The following JUN variants were observed in gnomAD, a reference collection of about 807,000 sequenced individuals.
JUN encodes transcription factor Jun.
JUN carries 7 observed loss-of-function variants against 19.7 expected under a neutral mutation model. That is an observed-to-expected ratio of 0.36 (90% CI 0.20 to 0.67). The LOEUF is 0.67. Ranked by LOEUF, JUN falls within the 30% of genes least tolerant of loss-of-function variation. The pLI is 0.64. For missense variants in JUN, 373 were observed against 451.0 expected (o/e 0.83, Z 1.57); for synonymous variants, 246 against 206.9 (o/e 1.19, Z -1.62).
rs1645569411 is a variant in JUN, at chr1:58,780,875, AAAGAG to A, written c.*1195_*1199del. 1 of 233,100 alleles carries A rather than the reference AAAGAG, an allele frequency of 4.3e-6. No homozygotes were observed. The highest frequency in any genetic ancestry group is 8.5e-6 in the Non-Finnish European group (1 of 118,006). 14.4% of individuals were successfully genotyped at this position (233,100 alleles called of 1,614,324 possible). On this transcript the variant is annotated 3_prime_UTR_variant, in exon 1 of 1. Coordinates refer to ENST00000371222, the MANE Select transcript of JUN (RefSeq NM_002228.4). Reference sequence around the variant, plus strand: ...GCCATCTTTTTATCTAGGAATTGTCAAAGAGAAGATTCCAAATTGGAAGGATACAT... The same window carrying A: ...GCCATCTTTTTATCTAGGAATTGTCAAAGATTCCAAATTGGAAGGATACAT...
At position 58,782,660 on chromosome 1, in the gene JUN, G is replaced by C. The variant is rs1246931833; in HGVS notation, c.411C>G (p.Val137=). The change falls in exon 1 of 1, where the codon GTC becomes GTG. Residue 137 remains valine, a synonymous_variant. Transcript: ENST00000371222. This position sits in a 1 kb window ranked among gnomAD's most constrained non-coding sequence, Gnocchi z 8.7. ...LPSVTSAAQP[V]NGAGMVAPAV... ...CGGGAGCCACCATGCCTGCCCCGTT[G>C]ACCGGCTGCGCCGCCGACGTGACGC... 6.3e-7 allele frequency: 1 copy of C among 1,590,094 alleles called. No homozygotes were observed. Among genetic ancestry groups the C allele is most frequent in the Non-Finnish European group, 8.5e-7 (1 of 1,172,760 alleles).
In JUN at chr1:58,781,825, C is replaced by T. The variant is rs1645576081; in HGVS notation, c.*250G>A. The T allele has an allele frequency of 1.8e-6, 1 of 540,614 alleles. No homozygotes were observed. The highest frequency in any genetic ancestry group is 2.3e-5 in the South Asian group (1 of 42,824). The allele number at this position is 540,614 out of a possible 1,614,324, so 33.5% of individuals were successfully genotyped here. ...AACGTTCCGTTCGCGCGGGGACAGC[C>T]CGTCCGCAAAGCGGGGCAGCCCGCA... is the stretch of plus-strand genomic sequence containing the variant. On this transcript the variant is annotated 3_prime_UTR_variant, in exon 1 of 1. Transcript: ENST00000371222.
chr1:58,782,159 C>T lies in JUN; in HGVS notation c.912G>A (p.Gln304=), dbSNP rs1265817652. The T allele has an allele frequency of 6.2e-7, 1 of 1,614,272 alleles. No homozygotes were observed. The highest frequency in any genetic ancestry group is 8.5e-7 in the Non-Finnish European group (1 of 1,180,052). The change falls in exon 1 of 1, where the codon CAG becomes CAA. Residue 304 remains glutamine, a synonymous_variant. Coordinates refer to ENST00000371222, the MANE Select transcript of JUN (RefSeq NM_002228.4). This position sits in a 1 kb window ranked among gnomAD's most constrained non-coding sequence, Gnocchi z 8.7. ...TGACTTTCTGTTTAAGCTGTGCCAC[C>T]TGTTCCCTGAGCATGTTGGCCGTGG... ...LASTANMLRE[Q]VAQLKQKVMN... is the part of the protein sequence containing the mutation.
rs1645584884 is a variant in JUN at position 58,782,569 on chromosome 1, G to C, written c.502C>G (p.Pro168Ala). The change falls in exon 1 of 1, where the codon CCG becomes GCG. Residue 168 changes from proline to alanine, a missense_variant. Physicochemically the swap from Pro to Ala is conservative, Grantham distance 27. Transcript: ENST00000371222. This position sits in a 1 kb window ranked among gnomAD's most constrained non-coding sequence, Gnocchi z 8.7. ...AAGTTGCTGAGGTTTGCGTAGACCG[G>C]CGGCTCGCTGTGCAGGCTGGCGCTG... Reference protein sequence around the residue: ...GFSASLHSEPPVYANLSNFNP... With the variant: ...GFSASLHSEPAVYANLSNFNP... 6.3e-7 allele frequency: 1 copy of C among 1,578,882 alleles called. No homozygotes were observed. Among genetic ancestry groups the C allele is most frequent in the South Asian group, 1.1e-5 (1 of 89,434 alleles).
At position 58,782,463 on chromosome 1, in the gene JUN, T is replaced by C. The variant is rs1373687602; in HGVS notation, c.608A>G (p.Gln203Arg). 5 of 1,592,252 alleles carry C rather than the reference T, an allele frequency of 3.1e-6. No homozygotes were observed. Among genetic ancestry groups the C allele is most frequent in the Non-Finnish European group, 4.3e-6 (5 of 1,173,516 alleles). ...AGLAFPAQPQQQQQPPHHLPQ... is the reference protein window; with the variant it reads ...AGLAFPAQPQRQQQPPHHLPQ... ...CAGGTGGTGCGGCGGCTGCTGCTGC[T>C]GCTGGGGTTGCGCGGGAAAGGCCAG... The change falls in exon 1 of 1, where the codon CAG becomes CGG. Residue 203 changes from glutamine (Q) to arginine (R), a missense_variant. Transcript: ENST00000371222. This position sits in a 1 kb window ranked among gnomAD's most constrained non-coding sequence, Gnocchi z 8.7.
At position 58,782,335 on chromosome 1, in the gene JUN, C is replaced by G. The variant is rs1355452123; in HGVS notation, c.736G>C (p.Asp246His). The G allele has an allele frequency of 6.2e-7, 1 of 1,614,252 alleles. No homozygotes were observed. The highest frequency in any genetic ancestry group is 8.5e-7 in the Non-Finnish European group (1 of 1,180,036). Residue 246 changes from aspartate to histidine, a missense_variant, in exon 1 of 1, where the codon GAC becomes CAC. Asp to His is a moderately conservative substitution (Grantham distance 81, BLOSUM62 -1). Around this residue, in one of 4 missense-constraint regions of JUN, gnomAD observed 83 missense variants for 143.0 expected, o/e 0.58. Coordinates refer to ENST00000371222, the MANE Select transcript of JUN (RefSeq NM_002228.4). The surrounding 1 kb of genome is among the most constrained non-coding windows in gnomAD (Gnocchi z 8.7). ...TTGATCCGCTCCTGGGACTCCATGT[C>G]GATGGGGGACAGGGGCGGTGTCTCG... ...PGETPPLSPI[D>H]MESQERIKAE...
In JUN at chr1:58,780,971, CATTATAA is replaced by C. The variant is rs1645570372; in HGVS notation, c.*1097_*1103del. The C allele has an allele frequency of 8.6e-6, 2 of 232,966 alleles. No individual in the cohort carries two copies. Among genetic ancestry groups the C allele is most frequent in the African/African-American group, 4.4e-5 (2 of 45,328 alleles). 14.4% of individuals were successfully genotyped at this position (232,966 alleles called of 1,614,324 possible). A position where few individuals can be genotyped will look rare whatever the true frequency, so the allele number is the denominator to read the frequency against. On this transcript the variant is annotated 3_prime_UTR_variant, in exon 1 of 1. Transcript: ENST00000371222. ...GCACCTATTGTAAAATTTCTACTAA[CATTATAA>C]ATGGTCACAGCACATGCCACTTGAT...
chr1:58,782,815 C>G lies in JUN; in HGVS notation c.256G>C (p.Gly86Arg). 1.9e-6 allele frequency: 3 copies of G among 1,613,846 alleles called. No individual in the cohort carries two copies. Among genetic ancestry groups the G allele is most frequent in the Non-Finnish European group, 1.7e-6 (2 of 1,179,958 alleles). The stretch of plus-strand genomic sequence containing the variant: ...GGGGTCGGCGTGGTGGTGATGTGCC[C>G]GTTGCTGGACTGGATTATCAGGCGC... Reference protein sequence around the residue: ...LERLIIQSSNGHITTTPTPTQ... With the variant: ...LERLIIQSSNRHITTTPTPTQ... The change falls in exon 1 of 1, where the codon GGG becomes CGG. Residue 86 changes from glycine (G) to arginine (R), a missense_variant. Transcript: ENST00000371222. The surrounding 1 kb of genome is among the most constrained non-coding windows in gnomAD (Gnocchi z 8.7).
chr1:58,783,191 T>G lies in JUN; in HGVS notation c.-121A>C. ...CCCCGGAGCCTTTGACAGGGAAAGT[T>G]TCTCTAAGAGCGCACGCACCCGCTG... On this transcript the variant is annotated 5_prime_UTR_variant, in exon 1 of 1. Coordinates refer to ENST00000371222, the MANE Select transcript of JUN (RefSeq NM_002228.4). The G allele has an allele frequency of 6.8e-7, 1 of 1,470,212 alleles. No individual in the cohort carries two copies. The highest frequency in any genetic ancestry group is 9.1e-7 in the Non-Finnish European group (1 of 1,095,618). 91.1% of individuals were successfully genotyped at this position (1,470,212 alleles called of 1,614,324 possible). A position where few individuals can be genotyped will look rare whatever the true frequency, so the allele number is the denominator to read the frequency against.
In JUN at chr1:58,783,134, C is replaced by T. The variant is rs4647012; in HGVS notation, c.-64G>A. ...GCGCGCACAAGTTTCGGGGCCGCAA[C>T]AGGGCTGTGGCAAGCGGGGGACACC... is the stretch of plus-strand genomic sequence containing the variant. On this transcript the variant is annotated 5_prime_UTR_variant, in exon 1 of 1. Coordinates refer to ENST00000371222, the MANE Select transcript of JUN (RefSeq NM_002228.4). 770 of 1,553,796 alleles carry T rather than the reference C, an allele frequency of 5.0e-4. 4 individuals carry two copies. In the East Asian group the frequency reaches 0.015, roughly 31 times the overall value.
In JUN at chr1:58,781,651, T is replaced by TC; in HGVS notation, c.*423dup. 1 of 28,590 alleles carries TC rather than the reference T, an allele frequency of 3.5e-5. No homozygotes were observed. 1.8% of individuals were successfully genotyped at this position (28,590 alleles called of 1,614,324 possible). ...CCCTCCTGCCGCCCCTCCCCAACCC[T>TC]CCCCCCGCTTTGTGTTCTTAAGGAG... On this transcript the variant is annotated 3_prime_UTR_variant, in exon 1 of 1. Transcript: ENST00000371222.
chr1:58,782,104 T>A lies in JUN; in HGVS notation c.967A>T (p.Met323Leu), dbSNP rs964719479. Reference protein sequence around the residue: ...MNHVNSGCQLMLTQQLQTF With the variant: ...MNHVNSGCQLLLTQQLQTF ...AATGTTTGCAACTGCTGCGTTAGCA[T>A]GAGTTGGCACCCACTGTTAACGTGG... The change falls in exon 1 of 1, where the codon ATG becomes TTG. Residue 323 changes from methionine (M) to leucine (L), a missense_variant. Around this residue, in one of 4 missense-constraint regions of JUN, gnomAD observed 83 missense variants for 143.0 expected, o/e 0.58. Transcript: ENST00000371222. This position sits in a 1 kb window ranked among gnomAD's most constrained non-coding sequence, Gnocchi z 8.7. 2.5e-6 allele frequency: 4 copies of A among 1,613,452 alleles called. No homozygotes were observed. The South Asian group carries it at 3.3e-5, about 13-fold the overall frequency.
In JUN at chr1:58,782,849, G is replaced by A. The variant is rs772783846; in HGVS notation, c.222C>T (p.Pro74=). The part of the protein sequence containing the change: ...PDVGLLKLAS[P]ELERLIIQSS... ...ACTGGATTATCAGGCGCTCCAGCTCGGGCGACGCCAGCTTGAGCAGCCCCA... is the reference window on the plus strand; with the variant it reads ...ACTGGATTATCAGGCGCTCCAGCTCAGGCGACGCCAGCTTGAGCAGCCCCA... The change falls in exon 1 of 1, where the codon CCC becomes CCT. Residue 74 remains proline (P), a synonymous_variant. Coordinates refer to ENST00000371222, the MANE Select transcript of JUN (RefSeq NM_002228.4). This position sits in a 1 kb window ranked among gnomAD's most constrained non-coding sequence, Gnocchi z 8.7. 1.9e-6 allele frequency: 3 copies of A among 1,613,948 alleles called. No individual in the cohort carries two copies. The highest frequency in any genetic ancestry group is 2.5e-6 in the Non-Finnish European group (3 of 1,180,018).
At position 58,782,806 on chromosome 1, in the gene JUN, T is replaced by A. The variant is rs1569897826; in HGVS notation, c.265A>T (p.Thr89Ser). 6.2e-7 allele frequency: 1 copy of A among 1,613,660 alleles called. No homozygotes were observed. Among genetic ancestry groups the A allele is most frequent in the South Asian group, 1.1e-5 (1 of 91,066 alleles). Residue 89 changes from threonine to serine, a missense_variant, in exon 1 of 1, where the codon ACC becomes TCC. Physicochemically the swap from Thr to Ser is moderately conservative, Grantham distance 58 (BLOSUM62 1). Around this residue, in one of 4 missense-constraint regions of JUN, gnomAD observed 113 missense variants for 136.9 expected, o/e 0.83. Transcript: ENST00000371222. This position sits in a 1 kb window ranked among gnomAD's most constrained non-coding sequence, Gnocchi z 8.7. Reference sequence around the variant, plus strand: ...AACTGGGTGGGGGTCGGCGTGGTGGTGATGTGCCCGTTGCTGGACTGGATT... The same window carrying A: ...AACTGGGTGGGGGTCGGCGTGGTGGAGATGTGCCCGTTGCTGGACTGGATT... ...LIIQSSNGHI[T>S]TTPTPTQFLC...
At position 58,782,186 on chromosome 1, in the gene JUN, C is replaced by G; in HGVS notation, c.885G>C (p.Ala295=). Residue 295 remains alanine (A), a synonymous_variant, in exon 1 of 1, where the codon GCG becomes GCC. Transcript: ENST00000371222. This position sits in a 1 kb window ranked among gnomAD's most constrained non-coding sequence, Gnocchi z 8.7. ...GTTCCCTGAGCATGTTGGCCGTGGA[C>G]GCCAGCTCCGAGTTCTGAGCTTTCA... ...KTLKAQNSEL[A]STANMLREQV... The G allele has an allele frequency of 6.2e-7, 1 of 1,614,226 alleles. No individual in the cohort carries two copies. The highest frequency in any genetic ancestry group is 8.5e-7 in the Non-Finnish European group (1 of 1,180,028).
chr1:58,783,275 A>C lies in JUN; in HGVS notation c.-205T>G, dbSNP rs2100740620. ...CGCTCCAGGGAGCGCAGGGTTAATT[A>C]AGATGCCTCCCGCACTCTTACTTGT... On this transcript the variant is annotated 5_prime_UTR_variant, in exon 1 of 1. Transcript: ENST00000371222. 1 of 669,562 alleles carries C rather than the reference A, an allele frequency of 1.5e-6. No homozygotes were observed. Among genetic ancestry groups the C allele is most frequent in the Non-Finnish European group, 2.5e-6 (1 of 405,070 alleles). 41.5% of individuals were successfully genotyped at this position (669,562 alleles called of 1,614,324 possible). A position where few individuals can be genotyped will look rare whatever the true frequency, so the allele number is the denominator to read the frequency against.
rs1645591141 is a variant in JUN, at chr1:58,783,167, C to G, written c.-97G>C. On this transcript the variant is annotated 5_prime_UTR_variant, in exon 1 of 1. Transcript: ENST00000371222. ...TGGCAAGCGGGGGACACCCGCGCCC[C>G]CCGGAGCCTTTGACAGGGAAAGTTT... is the stretch of plus-strand genomic sequence containing the variant. The G allele has an allele frequency of 1.5e-5, 23 of 1,514,904 alleles. No individual in the cohort carries two copies. In the South Asian group the frequency reaches 2.6e-4, roughly 17 times the overall value. 93.8% of individuals were successfully genotyped at this position (1,514,904 alleles called of 1,614,324 possible).
chr1:58,781,096 C>T lies in JUN; in HGVS notation c.*979G>A. Reference sequence around the variant, plus strand: ...CCAGCCTCCTGAAACATCGCACTATCCTTTGGTAAGCAATTCCATATAGAT... The same window carrying T: ...CCAGCCTCCTGAAACATCGCACTATTCTTTGGTAAGCAATTCCATATAGAT... On this transcript the variant is annotated 3_prime_UTR_variant, in exon 1 of 1. Coordinates refer to ENST00000371222, the MANE Select transcript of JUN (RefSeq NM_002228.4). The T allele has an allele frequency of 4.3e-6, 1 of 233,142 alleles. No homozygotes were observed. Among genetic ancestry groups the T allele is most frequent in the Non-Finnish European group, 8.5e-6 (1 of 117,950 alleles). 14.4% of individuals were successfully genotyped at this position (233,142 alleles called of 1,614,324 possible).
rs1394283151 is a variant in JUN at position 58,783,173 on chromosome 1, G to A, written c.-103C>T. 6.6e-7 allele frequency: 1 copy of A among 1,506,536 alleles called. No individual in the cohort carries two copies. The highest frequency in any genetic ancestry group is 1.4e-5 in the African/African-American group (1 of 71,538). The allele number at this position is 1,506,536 out of a possible 1,614,324, so 93.3% of individuals were successfully genotyped here. On this transcript the variant is annotated 5_prime_UTR_variant, in exon 1 of 1. Transcript: ENST00000371222. ...GCGGGGGACACCCGCGCCCCCCGGA[G>A]CCTTTGACAGGGAAAGTTTCTCTAA...
Sources: allele counts gnomAD v4.1 joint callset, GRCh38; gene constraint gnomAD v4.1.1; regional missense constraint gnomAD v4.1.1; non-coding constraint Gnocchi (gnomAD v3.1); transcripts MANE v1.5; gene names NCBI Gene and HGNC (gene_info 2026-07-23, HGNC 2026-07-21).